Variants in DNAH12 observed in about 807,000 individuals in gnomAD.
The protein encoded by DNAH12 is dynein axonemal heavy chain 12.
Under a neutral mutation model 371.5 loss-of-function variants are expected in DNAH12, and 285 were observed. The ratio of observed to expected loss-of-function variants is 0.77; its 90% confidence interval spans 0.70 to 0.85. The LOEUF (loss-of-function observed/expected upper bound fraction) is 0.85, where lower values mean the gene tolerates loss of function less well. DNAH12 is among the 40% of genes least tolerant of loss of function. DNAH12 has a pLI of 0.00. For missense variants in DNAH12, 3,611 were observed against 3,689.4 expected, an observed-to-expected ratio of 0.98 and a Z score of 0.55; for synonymous variants, 1,200 against 1,213.0, an observed-to-expected ratio of 0.99 and a Z score of 0.22.
In DNAH12 at chr3:57,341,617, A is replaced by G. The variant is rs547147532; in HGVS notation, c.9675-6677T>C. 2.6e-5 allele frequency among the ~76,000 whole-genome samples: 4 copies of G among 152,250 alleles called. No individual in the cohort carries two copies. In the East Asian group the frequency reaches 7.7e-4, roughly 29 times the overall value. On this transcript the variant is annotated intron_variant, in intron 60 of 73. Transcript: ENST00000495027. ...TTTTTTGAAAGAAATTGAAGAAGAC[A>G]TCAAAAAATAGAATGACATCCCATC...
At chr3:57,369,351 T>C (rs2063123065) in intron 55 of DNAH12, among the ~76,000 whole-genome samples, 1 of 146,710 alleles carries the variant, frequency 6.8e-6, no homozygotes, top group Non-Finnish European at 1.5e-5. Context: ...TTTAAATAAA[T>C]AAATAAATAA....
At chr3:57,469,568 A>T (rs1697743059) in intron 16 of DNAH12, among the ~76,000 whole-genome samples, 1 of 152,228 alleles carries the variant, frequency 6.6e-6, no homozygotes, top group African/African-American at 2.4e-5. Context: ...TAGCAAAGAC[A>T]TGGAGTCAAC....
intron 60 of DNAH12, among the ~76,000 whole-genome samples, chr3:57,346,771 T>C (rs2062553056): frequency 6.6e-6 from 1 of 152,044 alleles, no homozygotes; most frequent in African/African-American, 2.4e-5. Context: ...GAGAAAGATA[T>C]ACCATGCTAA....
At position 57,509,861 on chromosome 3, in the gene DNAH12, T is replaced by TAAAAA. The variant is rs902155403; in HGVS notation, c.470-654_470-650dup. Among the ~76,000 whole-genome samples the TAAAAA allele has an allele frequency of 7.6e-3, 354 of 46,480 alleles. 2 individuals are homozygous for TAAAAA. Among genetic ancestry groups the TAAAAA allele is most frequent in the Middle Eastern group, 0.019 (1 of 52 alleles). 30.5% of individuals were successfully genotyped at this position (46,480 alleles called of 152,430 possible). On this transcript the variant is annotated intron_variant, in intron 5 of 73. Transcript: ENST00000495027. ...TGGGCGACAGAGTGAGACTCCATCATAAAAAAAAAAAAAAAAAAAAAAAAA... is the reference window on the plus strand; with the variant it reads ...TGGGCGACAGAGTGAGACTCCATCATAAAAAAAAAAAAAAAAAAAAAAAAAAAAAA...
chr3:57,424,407 G>A (rs1409930786), intron 35 of DNAH12, among the ~76,000 whole-genome samples: 1 of 146,882 alleles, frequency 6.8e-6, no homozygotes, highest in African/African-American at 2.5e-5. Context: ...GGAGGCAGAG[G>A]ATGCAGTGAG....
In DNAH12 at chr3:57,296,455, C is replaced by G. The variant is rs1463559884; in HGVS notation, c.11533-20G>C. 6.6e-7 allele frequency: 1 copy of G among 1,518,526 alleles called. No homozygotes were observed. The highest frequency in any genetic ancestry group is 1.2e-5 in the South Asian group (1 of 82,464). The allele number at this position is 1,518,526 out of a possible 1,614,324, so 94.1% of individuals were successfully genotyped here. A position where few individuals can be genotyped will look rare whatever the true frequency, so the allele number is the denominator to read the frequency against. On this transcript the variant is annotated intron_variant, in intron 71 of 73. Coordinates refer to ENST00000495027, the MANE Select transcript of DNAH12 (RefSeq NM_001366028.2). ...GATAACCTGAAGGGATAGGCACACA[C>G]TAGCAGTGATCCTCTCCAGACAACT... is the stretch of plus-strand genomic sequence containing the variant.
At chr3:57,335,603 T>G (rs1408456774) in intron 60 of DNAH12, among the ~76,000 whole-genome samples, 10 of 152,232 alleles carry the variant, frequency 6.6e-5, no homozygotes, top group Admixed American at 5.9e-4. Context: ...CTGAATACAG[T>G]AAGCAGCTGT....
At chr3:57,306,161 CT>C (rs2061465770) in intron 69 of DNAH12, among the ~76,000 whole-genome samples, 1 of 152,198 alleles carries the variant, frequency 6.6e-6, no homozygotes, top group South Asian at 2.1e-4. Flanking sequence ...AAGACTGACA[CT>C]GCCCGATCGC....
intron 59 of DNAH12, among the ~76,000 whole-genome samples, chr3:57,356,364 G>A (rs1196941530): frequency 2.0e-5 from 3 of 151,832 alleles, no homozygotes; most frequent in African/African-American, 4.8e-5. Context: ...GATCACCTGA[G>A]CCTGGGAGGT....
intron 12 of DNAH12, among the ~76,000 whole-genome samples, chr3:57,487,412 GAA>G (rs1491425601): frequency 1.4e-4 from 10 of 73,616 alleles, no homozygotes; most frequent in South Asian, 1.2e-3. Context: ...AGAAAAAAAA[GAA>G]AAAGAAAGAA....
At chr3:57,491,567 C>CT (rs2067125673) in intron 11 of DNAH12, among the ~76,000 whole-genome samples, 3 of 152,198 alleles carry the variant, frequency 2.0e-5, no homozygotes, top group South Asian at 2.1e-4. Context: ...CATGACCAAT[C>CT]TTTTTTTAAC....
At chr3:57,481,185 C>T (rs905916104) in intron 13 of DNAH12, among the ~76,000 whole-genome samples, 11 of 152,268 alleles carry the variant, frequency 7.2e-5, no homozygotes, top group African/African-American at 2.4e-4. Context: ...TGTCTCAGCC[C>T]AAAATCTCCT....
At chr3:57,306,939 C>T (rs1457506821) in intron 69 of DNAH12, among the ~76,000 whole-genome samples, 3 of 152,160 alleles carry the variant, frequency 2.0e-5, no homozygotes, top group African/African-American at 4.8e-5. Flanking sequence ...CTTAAACATG[C>T]TTTCTTTACT....
At chr3:57,451,852 A>G (rs904567361) in intron 25 of DNAH12, among the ~76,000 whole-genome samples, 1 of 152,100 alleles carries the variant, frequency 6.6e-6, no homozygotes, top group African/African-American at 2.4e-5. Context: ...AACACCTGAA[A>G]CTGGTGATCA....
chr3:57,383,414 A>C (rs2063436014), intron 49 of DNAH12, among the ~76,000 whole-genome samples: 1 of 152,058 alleles, frequency 6.6e-6, no homozygotes, highest in Non-Finnish European at 1.5e-5. Flanking sequence ...ATCCTATATC[A>C]GGGGATGGAG....
At chr3:57,338,460 G>A (rs2062291423) in intron 60 of DNAH12, among the ~76,000 whole-genome samples, 1 of 148,186 alleles carries the variant, frequency 6.7e-6, no homozygotes, top group South Asian at 2.1e-4. Context: ...GATGTGGGGA[G>A]CGCCTTTGCC....
intron 20 of DNAH12, 101 bp from the exon 21 acceptor site, chr3:57,458,321 A>G (rs2065959940): frequency 7.6e-7 from 1 of 1,310,612 alleles, no homozygotes; most frequent in South Asian, 2.4e-5. Context: ...TAATGTTAAA[A>G]GGTTTATGAA....
intron 60 of DNAH12, among the ~76,000 whole-genome samples, chr3:57,346,152 G>A (rs1420592015): frequency 6.6e-6 from 1 of 151,844 alleles, no homozygotes; most frequent in African/African-American, 2.4e-5. Flanking sequence ...TATTACTGTG[G>A]AACCAAAAAA....
chr3:57,500,942 A>G (rs2153390132), intron 11 of DNAH12, among the ~76,000 whole-genome samples: 1 of 152,114 alleles, frequency 6.6e-6, no homozygotes, highest in South Asian at 2.1e-4. Context: ...AAAAACAAAA[A>G]CAAAAACAAA....
Sources: gnomAD v4.1 joint callset for allele counts (sites outside exome capture counted in the v4.1 genomes callset) on GRCh38, gnomAD v4.1.1 for gene constraint, MANE v1.5 for transcripts, NCBI Gene and HGNC (gene_info 2026-07-23, HGNC 2026-07-21) for gene names.